TLR9: variants seen among roughly 807,000 people sequenced by gnomAD.
The protein encoded by TLR9 is toll like receptor 9.
A neutral mutation model predicts 24.6 loss-of-function variants in TLR9; 19 were observed. The observed-to-expected ratio is 0.77, with a 90% CI of 0.54 to 1.13. The LOEUF is 1.13. Ranked by LOEUF, TLR9 falls within the 50% of genes most tolerant of loss-of-function variation. TLR9 has a pLI of 0.00. For synonymous variants in TLR9, 579 were observed against 609.8 expected, an observed-to-expected ratio of 0.95 and a Z score of 0.74; for missense variants, 1,065 against 1,379.6, an observed-to-expected ratio of 0.77 and a Z score of 3.61.
In TLR9 at chr3:52,222,150, G is replaced by A. The variant is rs372231358; in HGVS notation, c.2166C>T (p.Ser722=). Residue 722 remains serine, a synonymous_variant, in exon 2 of 2, where the codon TCC becomes TCT. Coordinates refer to ENST00000360658, the MANE Select transcript of TLR9 (RefSeq NM_017442.4). ...SISFVAPGFF[S]KAKELRELNL... ...TGAGCTCTCGCAGCTCCTTGGCCTT[G>A]GAAAAGAAGCCGGGGGCCACGAAGC... is the stretch of plus-strand genomic sequence containing the variant. 1.2e-6 allele frequency: 2 copies of A among 1,613,434 alleles called. No homozygotes were observed. The highest frequency in any genetic ancestry group is 1.3e-5 in the African/African-American group (1 of 74,930).
chr3:52,223,422 C>T lies in TLR9; in HGVS notation c.894G>A (p.Trp298Ter). ...GLVLKDSSLS[W>*]LNASWFRGLG... ...GCCCACGGAACCAACTGGCATTCAGCCAGGAGAGAGAACTGTCCTTCAACA... is the reference window on the plus strand; with the variant it reads ...GCCCACGGAACCAACTGGCATTCAGTCAGGAGAGAGAACTGTCCTTCAACA... Residue 298 changes from tryptophan to a stop codon, truncating the protein, a stop_gained, in exon 2 of 2, where the codon TGG (tryptophan) becomes TGA (stop). Coordinates refer to ENST00000360658, the MANE Select transcript of TLR9 (RefSeq NM_017442.4). LOFTEE classifies it low-confidence loss of function (END_TRUNC). 1 of 1,610,400 alleles carries T rather than the reference C, an allele frequency of 6.2e-7. No individual in the cohort carries two copies. The highest frequency in any genetic ancestry group is 8.5e-7 in the Non-Finnish European group (1 of 1,177,970).
rs750282214 is a variant in TLR9 at position 52,223,833 on chromosome 3, G to A, written c.483C>T (p.Ala161=). The A allele has an allele frequency of 5.6e-6, 9 of 1,610,800 alleles. No individual in the cohort carries two copies. The Admixed American group carries it at 1.5e-4, about 27-fold the overall frequency. The change falls in exon 2 of 2, where the codon GCC becomes GCT. Residue 161 remains alanine (A), a synonymous_variant. Coordinates refer to ENST00000360658, the MANE Select transcript of TLR9 (RefSeq NM_017442.4). The part of the protein sequence containing the change: ...SHTNILMLDS[A]SLAGLHALRF... The stretch of plus-strand genomic sequence containing the variant: ...GCAGGGCATGCAGGCCGGCGAGGCT[G>A]GCAGAGTCTAGCATCAGGATGTTGG...
At position 52,221,683 on chromosome 3, in the gene TLR9, T is replaced by C. The variant is rs1403302593; in HGVS notation, c.2633A>G (p.Lys878Arg). Reference protein sequence around the residue: ...LPYDAFVVFDKTQSAVADWVY... With the variant: ...LPYDAFVVFDRTQSAVADWVY... ...CCAGTCTGCCACTGCGCTCTGCGTT[T>C]TGTCGAAGACCACGAAGGCATCGTA... The change falls in exon 2 of 2, where the codon AAA (lysine) becomes AGA (arginine). Residue 878 changes from lysine to arginine, a missense_variant. By Grantham distance (26) the Lys-to-Arg change is conservative. Coordinates refer to ENST00000360658, the MANE Select transcript of TLR9 (RefSeq NM_017442.4). This position sits in a 1 kb window ranked among gnomAD's most constrained non-coding sequence, Gnocchi z 9.9. The C allele has an allele frequency of 6.2e-7, 1 of 1,613,952 alleles. No individual in the cohort carries two copies. The highest frequency in any genetic ancestry group is 1.7e-5 in the Admixed American group (1 of 60,028).
chr3:52,223,197 G>T lies in TLR9; in HGVS notation c.1119C>A (p.Gly373=), dbSNP rs1485888989. ...LVALKELDMH[G]IFFRSLDETT... is the part of the protein sequence containing the mutation. The stretch of plus-strand genomic sequence containing the variant: ...TCTCATCGAGTGAGCGGAAGAAGAT[G>T]CCGTGCATGTCCAGCTCCTTCAGGG... Residue 373 remains glycine (G), a synonymous_variant, in exon 2 of 2, where the codon GGC becomes GGA. Transcript: ENST00000360658. The T allele has an allele frequency of 1.2e-6, 2 of 1,613,682 alleles. No individual in the cohort carries two copies. The highest frequency in any genetic ancestry group is 1.7e-6 in the Non-Finnish European group (2 of 1,179,724).
Position 52,222,910 on chromosome 3 carries a change from T to C in TLR9, c.1406A>G (p.Asn469Ser). 1 of 1,604,106 alleles carries C rather than the reference T, an allele frequency of 6.2e-7. No homozygotes were observed. The highest frequency in any genetic ancestry group is 8.5e-7 in the Non-Finnish European group (1 of 1,172,604). Residue 469 changes from asparagine to serine, a missense_variant, in exon 2 of 2, where the codon AAC becomes AGC. By Grantham distance (46) the Asn-to-Ser change is conservative. Transcript: ENST00000360658. ...CAAGGTGAAGTTGAGGGTGCTGCAG[T>C]TGGGCCTGAAGTCTTCAGAGCTGGG... ...DTPSSEDFRP[N>S]CSTLNFTLDL...
At position 52,221,981 on chromosome 3, in the gene TLR9, C is replaced by T. The variant is rs759134825; in HGVS notation, c.2335G>A (p.Ala779Thr). 4 of 1,607,740 alleles carry T rather than the reference C, an allele frequency of 2.5e-6. No homozygotes were observed. The highest frequency in any genetic ancestry group is 2.7e-5 in the African/African-American group (2 of 74,860). Residue 779 changes from alanine to threonine, a missense_variant, in exon 2 of 2, where the codon GCT becomes ACT. Coordinates refer to ENST00000360658, the MANE Select transcript of TLR9 (RefSeq NM_017442.4). The surrounding 1 kb of genome is among the most constrained non-coding windows in gnomAD (Gnocchi z 9.9). ...CGGCTGGGCAGACCGGGCACGGCAGCCTGCACCTCCAGCAGGAAGTCCATA... is the reference window on the plus strand; with the variant it reads ...CGGCTGGGCAGACCGGGCACGGCAGTCTGCACCTCCAGCAGGAAGTCCATA... ...AFMDFLLEVQ[A>T]AVPGLPSRVK...
rs1343384382 is a variant in TLR9, at chr3:52,221,479, A to G, written c.2837T>C (p.Leu946Pro). The change falls in exon 2 of 2, where the codon CTC (leucine) becomes CCC (proline). Residue 946 changes from leucine to proline, a missense_variant. Transcript: ENST00000360658. The surrounding 1 kb of genome is among the most constrained non-coding windows in gnomAD (Gnocchi z 9.9). ...GGCCAGCAGGAAGCTGGCGCGCAAGAGACCACTGACCCGGTCCGTGTGGGC... is the reference window on the plus strand; with the variant it reads ...GGCCAGCAGGAAGCTGGCGCGCAAGGGACCACTGACCCGGTCCGTGTGGGC... ...VLAHTDRVSG[L>P]LRASFLLAQQ... The G allele has an allele frequency of 6.2e-7, 1 of 1,612,192 alleles. No homozygotes were observed. The highest frequency in any genetic ancestry group is 1.3e-5 in the African/African-American group (1 of 75,032).
chr3:52,223,974 G>A lies in TLR9; in HGVS notation c.342C>T (p.Ile114=), dbSNP rs56116373. The A allele has an allele frequency of 8.3e-4, 1,325 of 1,594,748 alleles. 2 individuals carry two copies. The highest frequency in any genetic ancestry group is 8.1e-3 in the Admixed American group (474 of 58,526). ...GCACAGCCAAGAAGGTGCTGGGCTC[G>A]ATGGTCATGTGGCAGGGGAAGTGCA... is the stretch of plus-strand genomic sequence containing the variant. ...SPMHFPCHMT[I]EPSTFLAVPT... The change falls in exon 2 of 2, where the codon ATC becomes ATT. Residue 114 remains isoleucine (I), a synonymous_variant. Transcript: ENST00000360658.
Position 52,221,930 on chromosome 3 carries a change from G to C in TLR9, c.2386C>G (p.Leu796Val), listed in dbSNP as rs747080983. The C allele has an allele frequency of 6.2e-7, 1 of 1,612,890 alleles. No homozygotes were observed. Among genetic ancestry groups the C allele is most frequent in the Non-Finnish European group, 8.5e-7 (1 of 1,179,616 alleles). The change falls in exon 2 of 2, where the codon CTC becomes GTC. Residue 796 changes from leucine to valine, a missense_variant. Transcript: ENST00000360658. This position sits in a 1 kb window ranked among gnomAD's most constrained non-coding sequence, Gnocchi z 9.9. Reference protein sequence around the residue: ...SRVKCGSPGQLQGLSIFAQDL... With the variant: ...SRVKCGSPGQVQGLSIFAQDL... ...TGTGCAAAGATGCTGAGGCCCTGGA[G>C]CTGGCCCGGACTGCCACACTTCACC...
At position 52,221,824 on chromosome 3, in the gene TLR9, C is replaced by A. The variant is rs939400923; in HGVS notation, c.2492G>T (p.Gly831Val). The change falls in exon 2 of 2, where the codon GGT becomes GTT. Residue 831 changes from glycine (G) to valine (V), a missense_variant. By Grantham distance (109) the Gly-to-Val change is moderately radical. Coordinates refer to ENST00000360658, the MANE Select transcript of TLR9 (RefSeq NM_017442.4). This position sits in a 1 kb window ranked among gnomAD's most constrained non-coding sequence, Gnocchi z 9.9. The stretch of plus-strand genomic sequence containing the variant: ...ACAGAGGTGATGCAGCATGGGCACA[C>A]CCAGGCCCAGAGCCACAGCCAGCAG... ...LSLLAVALGL[G>V]VPMLHHLCGW... The A allele has an allele frequency of 6.2e-7, 1 of 1,613,956 alleles. No homozygotes were observed. Among genetic ancestry groups the A allele is most frequent in the East Asian group, 2.2e-5 (1 of 44,892 alleles).
chr3:52,225,418 C>T, intron 1 of TLR9, 109 bp downstream of exon 1: 2 of 1,411,976 alleles, frequency 1.4e-6, no homozygotes, highest in Non-Finnish European at 2.0e-6. Context: ...TCCCCAGGGC[C>T]ATGTGGGTGA....
At position 52,224,046 on chromosome 3, in the gene TLR9, C is replaced by A; in HGVS notation, c.270G>T (p.Arg90=). Residue 90 remains arginine (R), a synonymous_variant, in exon 2 of 2, where the codon CGG becomes CGT. Transcript: ENST00000360658. ...DSDFAHLPSL[R]HLNLKWNCPP... ...GGCAGTTCCACTTGAGGTTGAGATG[C>A]CGCAGGCTGGGCAGGTGGGCAAAGT... 2 of 1,578,680 alleles carry A rather than the reference C, an allele frequency of 1.3e-6. No individual in the cohort carries two copies. The highest frequency in any genetic ancestry group is 8.6e-7 in the Non-Finnish European group (1 of 1,158,382).
At position 52,222,263 on chromosome 3, in the gene TLR9, C is replaced by T. The variant is rs1486589254; in HGVS notation, c.2053G>A (p.Ala685Thr). ...GTCAGGGCCTTCAGCTGGTTTCCTG[C>T]CAGGTCGAGGACTTCCAGTTTGGGC... ...FLPKLEVLDL[A>T]GNQLKALTNG... Residue 685 changes from alanine (A) to threonine (T), a missense_variant, in exon 2 of 2, where the codon GCA (alanine) becomes ACA (threonine). Coordinates refer to ENST00000360658, the MANE Select transcript of TLR9 (RefSeq NM_017442.4). 3 of 1,614,070 alleles carry T rather than the reference C, an allele frequency of 1.9e-6. No individual in the cohort carries two copies. Among genetic ancestry groups the T allele is most frequent in the Non-Finnish European group, 2.5e-6 (3 of 1,180,046 alleles).
chr3:52,222,304 C>T lies in TLR9; in HGVS notation c.2012G>A (p.Trp671Ter). 6.2e-7 allele frequency: 1 copy of T among 1,614,190 alleles called. No homozygotes were observed. The highest frequency in any genetic ancestry group is 8.5e-7 in the Non-Finnish European group (1 of 1,180,030). ...CAGTTTGGGCAGGAAGTGGAGGCTC[C>T]ACCACTTAAAGAAGGCCAGGTAATT... ...RDNYLAFFKW[W>*]SLHFLPKLEV... The change falls in exon 2 of 2, where the codon TGG becomes TAG. Residue 671 changes from tryptophan to a stop codon, truncating the protein, a stop_gained. Transcript: ENST00000360658. LOFTEE classifies it high-confidence loss of function.
Position 52,222,232 on chromosome 3 carries a change from C to T in TLR9, c.2084G>A (p.Gly695Asp). The change falls in exon 2 of 2, where the codon GGC (glycine) becomes GAC (aspartate). Residue 695 changes from glycine (G) to aspartate (D), a missense_variant. Gly to Asp is a moderately conservative substitution (Grantham distance 94, BLOSUM62 -1). Transcript: ENST00000360658. Reference sequence around the variant, plus strand: ...GAGCCGGGTGCCAGCAGGCAGGCTGCCATTGGTCAGGGCCTTCAGCTGGTT... The same window carrying T: ...GAGCCGGGTGCCAGCAGGCAGGCTGTCATTGGTCAGGGCCTTCAGCTGGTT... ...AGNQLKALTN[G>D]SLPAGTRLRR... The T allele has an allele frequency of 6.2e-7, 1 of 1,614,098 alleles. No individual in the cohort carries two copies. Among genetic ancestry groups the T allele is most frequent in the Non-Finnish European group, 8.5e-7 (1 of 1,180,020 alleles).
At position 52,224,038 on chromosome 3, in the gene TLR9, T is replaced by A; in HGVS notation, c.278A>T (p.Asn93Ile). The A allele has an allele frequency of 6.3e-7, 1 of 1,582,152 alleles. No individual in the cohort carries two copies. Among genetic ancestry groups the A allele is most frequent in the Non-Finnish European group, 8.6e-7 (1 of 1,160,224 alleles). Residue 93 changes from asparagine (N) to isoleucine (I), a missense_variant, in exon 2 of 2, where the codon AAC (asparagine) becomes ATC (isoleucine). Coordinates refer to ENST00000360658, the MANE Select transcript of TLR9 (RefSeq NM_017442.4). ...AACCGGCGGGCAGTTCCACTTGAGGTTGAGATGCCGCAGGCTGGGCAGGTG... is the reference window on the plus strand; with the variant it reads ...AACCGGCGGGCAGTTCCACTTGAGGATGAGATGCCGCAGGCTGGGCAGGTG... ...FAHLPSLRHL[N>I]LKWNCPPVGL...
chr3:52,222,391 G>A lies in TLR9; in HGVS notation c.1925C>T (p.Thr642Ile), dbSNP rs747766747. 3.1e-6 allele frequency: 5 copies of A among 1,614,212 alleles called. No homozygotes were observed. In the South Asian group the frequency reaches 5.5e-5, roughly 18 times the overall value. ...WLDLSQNRLH[T>I]LLPQTLRNLP... is the part of the protein sequence containing the mutation. ...GTTGCGCAGGGTTTGGGGCAGGAGG[G>A]TGTGCAGGCGGTTCTGGGACAAGTC... The change falls in exon 2 of 2, where the codon ACC becomes ATC. Residue 642 changes from threonine (T) to isoleucine (I), a missense_variant. Transcript: ENST00000360658.
chr3:52,221,130 G>T lies in TLR9; in HGVS notation c.*87C>A, dbSNP rs533972684. 8 of 1,259,070 alleles carry T rather than the reference G, an allele frequency of 6.4e-6. No individual in the cohort carries two copies. The East Asian group carries it at 1.5e-4, about 23-fold the overall frequency. 78.0% of individuals were successfully genotyped at this position (1,259,070 alleles called of 1,614,324 possible). On this transcript the variant is annotated 3_prime_UTR_variant, in exon 2 of 2. Coordinates refer to ENST00000360658, the MANE Select transcript of TLR9 (RefSeq NM_017442.4). This position sits in a 1 kb window ranked among gnomAD's most constrained non-coding sequence, Gnocchi z 9.9. ...GCCTGCTCTGTGTCAGGTGTGGGGT[G>T]AGGGAGGCGAGCAGGGGAGGGTCAG...
rs536749348 is a variant in TLR9, at chr3:52,221,622, G to A, written c.2694C>T (p.Cys898=). 1 of 1,613,636 alleles carries A rather than the reference G, an allele frequency of 6.2e-7. No homozygotes were observed. Among genetic ancestry groups the A allele is most frequent in the Admixed American group, 1.7e-5 (1 of 60,026 alleles). ...YNELRGQLEE[C]RGRWALRLCL... is the part of the protein sequence containing the mutation. ...ACAGGCGGAGTGCCCAGCGCCCACG[G>A]CACTCCTCCAGCTGCCCCCGAAGCT... Residue 898 remains cysteine, a synonymous_variant, in exon 2 of 2, where the codon TGC becomes TGT. Transcript: ENST00000360658. The surrounding 1 kb of genome is among the most constrained non-coding windows in gnomAD (Gnocchi z 9.9).
Sources: allele counts gnomAD v4.1 joint callset, GRCh38; gene constraint gnomAD v4.1.1; non-coding constraint Gnocchi (gnomAD v3.1); transcripts MANE v1.5; gene names NCBI Gene and HGNC (gene_info 2026-07-23, HGNC 2026-07-21).